The following GPHN variants were observed in gnomAD, a reference collection of about 807,000 sequenced individuals.
GPHN encodes the protein gephyrin.
In GPHN, 17 loss-of-function variants were observed where a neutral mutation model predicts 95.5. The observed-to-expected ratio is 0.18, with a 90% CI of 0.12 to 0.27. The LOEUF is 0.27. GPHN is among the 10% of genes least tolerant of loss of function. The pLI is 1.00. For synonymous variants in GPHN, 320 were observed against 322.5 expected, an observed-to-expected ratio of 0.99 and a Z score of 0.08; for missense variants, 660 against 978.1, an observed-to-expected ratio of 0.67 and a Z score of 4.34.
intron 2 of GPHN, among the ~76,000 whole-genome samples, chr14:66,703,015 C>T (rs1399400092): frequency 1.4e-5 from 2 of 147,666 alleles, no homozygotes; most frequent in African/African-American, 2.6e-5. Context: ...AATCAATAGC[C>T]GAATCGACCA....
chr14:67,285,367 T>A, the GPHN span, among the ~76,000 whole-genome samples: 2 of 96,948 alleles, frequency 2.1e-5, no homozygotes, highest in South Asian at 4.1e-4. Context: ...CTTAGGTAAA[T>A]TTTTTTTTTT....
chr14:67,566,993 G>T, the GPHN span, among the ~76,000 whole-genome samples: 1 of 152,142 alleles, frequency 6.6e-6, no homozygotes, highest in African/African-American at 2.4e-5. Flanking sequence ...GAACCTCCCT[G>T]CCCCCAGCTA....
At chr14:67,118,112 TG>T in intron 16 of GPHN, among the ~76,000 whole-genome samples, 1 of 152,326 alleles carries the variant, frequency 6.6e-6, no homozygotes, top group East Asian at 1.9e-4. Flanking sequence ...AGTTCTTACC[TG>T]GGACCTCTAT....
At chr14:66,598,838 CAA>C (rs375173931) in intron 1 of GPHN, among the ~76,000 whole-genome samples, 327 of 103,686 alleles carry the variant, frequency 3.2e-3, no homozygotes, top group African/African-American at 8.6e-3. Flanking sequence ...GACTCTGTCT[CAA>C]AAAAAAAAAA....
the GPHN span, among the ~76,000 whole-genome samples, chr14:67,192,052 G>A: frequency 6.6e-6 from 1 of 152,190 alleles, no homozygotes; most frequent in Non-Finnish European, 1.5e-5. Flanking sequence ...GTGCTAGAAC[G>A]AGCTCATCCA....
chr14:67,674,345 TC>T, the GPHN span: 1 of 1,551,872 alleles, frequency 6.4e-7, no homozygotes, highest in Non-Finnish European at 8.7e-7. Flanking sequence ...AGGGCTGCGC[TC>T]CCCACGGCGT....
At chr14:67,406,929 G>C in the GPHN span, among the ~76,000 whole-genome samples, 1 of 152,114 alleles carries the variant, frequency 6.6e-6, no homozygotes, top group African/African-American at 2.4e-5. Context: ...TTCTCTTTTA[G>C]GTTTCTTGTC....
intron 1 of GPHN, among the ~76,000 whole-genome samples, chr14:66,585,229 A>G (rs1365265313): frequency 1.3e-5 from 2 of 151,984 alleles, no homozygotes; most frequent in Non-Finnish European, 2.9e-5. Context: ...GGGATCGGTG[A>G]TGATATCCCC....
chr14:67,028,199 A>G (rs546117886), intron 10 of GPHN, among the ~76,000 whole-genome samples: 27 of 152,328 alleles, frequency 1.8e-4, no homozygotes, highest in African/African-American at 5.8e-4. Flanking sequence ...TGCAAATGAC[A>G]GAATTTCTAC....
the GPHN span, chr14:67,662,626 C>A: frequency 1.7e-6 from 2 of 1,190,150 alleles, no homozygotes; most frequent in East Asian, 2.5e-5. Flanking sequence ...CTTCCTATGG[C>A]AGGGCCTGGT....
the GPHN span, among the ~76,000 whole-genome samples, chr14:67,716,878 T>C: frequency 7.0e-6 from 1 of 142,778 alleles, no homozygotes; most frequent in East Asian, 2.1e-4. Flanking sequence ...AGTGAGTCTC[T>C]GTCAAAAAAA....
chr14:67,595,598 A>G, the GPHN span, among the ~76,000 whole-genome samples: 2 of 152,340 alleles, frequency 1.3e-5, no homozygotes, highest in South Asian at 4.1e-4. Flanking sequence ...TGGCCAATGA[A>G]ATGTGAGGGG....
At chr14:66,980,518 T>A (rs960257332) in intron 9 of GPHN, among the ~76,000 whole-genome samples, 2 of 152,168 alleles carry the variant, frequency 1.3e-5, no homozygotes, top group African/African-American at 4.8e-5. Flanking sequence ...TTTAGACAGA[T>A]AAGAAATTTG....
At chr14:67,006,663 G>A (rs1294443599) in intron 9 of GPHN, among the ~76,000 whole-genome samples, 1 of 152,160 alleles carries the variant, frequency 6.6e-6, no homozygotes, top group African/African-American at 2.4e-5. Flanking sequence ...AAATGAAAGT[G>A]TGAACTGAGG....
chr14:66,631,683 A>AT, intron 1 of GPHN, among the ~76,000 whole-genome samples: 2 of 152,200 alleles, frequency 1.3e-5, no homozygotes, highest in South Asian at 4.1e-4. Context: ...CTGTAGGAGG[A>AT]TTTTTTATTG....
chr14:66,920,988 C>T (rs2066185085), intron 6 of GPHN, among the ~76,000 whole-genome samples: 1 of 151,978 alleles, frequency 6.6e-6, no homozygotes, highest in Non-Finnish European at 1.5e-5. Flanking sequence ...TTTCTTTATC[C>T]ACTCATTGAT....
intron 8 of GPHN, among the ~76,000 whole-genome samples, chr14:66,957,652 G>C (rs1048278595): frequency 2.6e-5 from 4 of 152,030 alleles, no homozygotes; most frequent in Non-Finnish European, 5.9e-5. Context: ...TGTGTATTCT[G>C]CTGGTATCAG....
chr14:67,173,033 G>C (rs978604609), intron 21 of GPHN, among the ~76,000 whole-genome samples: 16 of 152,208 alleles, frequency 1.1e-4, no homozygotes, highest in African/African-American at 3.9e-4. Context: ...CTGCCCGCCA[G>C]GGGCAGAATC....
chr14:67,074,186 CT>C (rs35887611), intron 11 of GPHN, among the ~76,000 whole-genome samples: 4,186 of 143,880 alleles, frequency 0.029, 60 homozygotes, highest in Non-Finnish European at 0.034. Context: ...GCAGATATTC[CT>C]TTTTTTTTTT....
Sources: gnomAD v4.1 joint callset for allele counts (sites outside exome capture counted in the v4.1 genomes callset) on GRCh38, gnomAD v4.1.1 for gene constraint, MANE v1.5 for transcripts, NCBI Gene and HGNC (gene_info 2026-07-23, HGNC 2026-07-21) for gene names.